Variants in CCDC149 observed in about 807,000 individuals in gnomAD.
CCDC149 encodes the protein coiled-coil domain containing 149.
A neutral mutation model predicts 59.9 loss-of-function variants in CCDC149; 45 were observed. The ratio of observed to expected loss-of-function variants is 0.75; its 90% CI spans 0.59 to 0.96. The LOEUF (loss-of-function observed/expected upper bound fraction) is 0.96. Ranked by LOEUF, CCDC149 falls within the 40% of genes least tolerant of loss-of-function variation. The pLI, the probability that CCDC149 is intolerant of heterozygous loss-of-function variation, is 0.00. For missense variants in CCDC149, 584 were observed against 664.7 expected (o/e 0.88, Z 1.33); for synonymous variants, 245 against 260.6 (o/e 0.94, Z 0.58).
At chr4:24,877,358 G>C (rs1719530272) in intron 1 of CCDC149, among the ~76,000 whole-genome samples, 2 of 152,004 alleles carry the variant, frequency 1.3e-5, no homozygotes, top group East Asian at 3.9e-4. Context: ...GCTAATTTTT[G>C]TATTTTTAGT....
intron 1 of CCDC149, among the ~76,000 whole-genome samples, chr4:24,945,978 T>C (rs1723097274): frequency 6.6e-6 from 1 of 152,148 alleles, no homozygotes; most frequent in Non-Finnish European, 1.5e-5. Context: ...GCATCACAGC[T>C]TGAGAACCAT....
Position 24,837,058 on chromosome 4 carries a change from C to T in CCDC149, c.662+170G>A, listed in dbSNP as rs1290182385. Among the ~76,000 whole-genome samples the T allele has an allele frequency of 1.3e-5, 2 of 152,132 alleles. No individual in the cohort carries two copies. The highest frequency in any genetic ancestry group is 2.9e-5 in the Non-Finnish European group (2 of 68,032). ...AGGTGTGGGCTGCTTTCCTTTTTCACTTTTGCAACTAATACATGGCATTGA... is the reference window on the plus strand; with the variant it reads ...AGGTGTGGGCTGCTTTCCTTTTTCATTTTTGCAACTAATACATGGCATTGA... On this transcript the variant is annotated intron_variant, in intron 6 of 12. Coordinates refer to ENST00000635206, the MANE Select transcript of CCDC149 (RefSeq NM_001330643.2). This position sits in a 1 kb window ranked among gnomAD's most constrained non-coding sequence, Gnocchi z 4.3.
intron 1 of CCDC149, among the ~76,000 whole-genome samples, chr4:24,928,613 C>T (rs1193966240): frequency 1.3e-5 from 2 of 152,188 alleles, no homozygotes; most frequent in East Asian, 3.8e-4. Context: ...TTCTTTGCTC[C>T]AATCACACTC....
chr4:24,870,724 TACTA>T (rs1327792064), intron 3 of CCDC149, among the ~76,000 whole-genome samples: 2 of 152,302 alleles, frequency 1.3e-5, no homozygotes, highest in South Asian at 2.1e-4. Context: ...CCTTCATGAA[TACTA>T]ACTAACTCTA....
chr4:24,967,069 C>T (rs1723823279), intron 1 of CCDC149, among the ~76,000 whole-genome samples: 1 of 152,142 alleles, frequency 6.6e-6, no homozygotes. Flanking sequence ...ACCCTGACAT[C>T]GGCTGTTTGG....
At chr4:24,921,048 G>A (rs1255940328) in intron 1 of CCDC149, among the ~76,000 whole-genome samples, 1 of 152,154 alleles carries the variant, frequency 6.6e-6, no homozygotes, top group Non-Finnish European at 1.5e-5. Context: ...TTTCAACTTT[G>A]CTAAAAATAA....
At chr4:24,968,892 C>T (rs983001148) in intron 1 of CCDC149, among the ~76,000 whole-genome samples, 2 of 152,206 alleles carry the variant, frequency 1.3e-5, no homozygotes, top group African/African-American at 4.8e-5. Context: ...GGTACAACCT[C>T]TGGGAAATAG....
intron 1 of CCDC149, among the ~76,000 whole-genome samples, chr4:24,879,589 G>A (rs1719707664): frequency 6.6e-6 from 1 of 151,580 alleles, no homozygotes; most frequent in South Asian, 2.1e-4. Flanking sequence ...GGAGGCTGAG[G>A]CAGGATAATC....
Position 24,876,599 on chromosome 4 carries a change from T to C in CCDC149, c.162A>G (p.Lys54=). 6.2e-7 allele frequency: 1 copy of C among 1,614,114 alleles called. No homozygotes were observed. Among genetic ancestry groups the C allele is most frequent in the Non-Finnish European group, 8.5e-7 (1 of 1,180,024 alleles). Residue 54 remains lysine (K), a synonymous_variant, in exon 2 of 13, where the codon AAA becomes AAG. Coordinates refer to ENST00000635206, the MANE Select transcript of CCDC149 (RefSeq NM_001330643.2). ...GCTCCCGGAGCTGATTGGCCATGAG[T>C]TTGTACTGGTCCCTTTCCTGTTGAC...
intron 4 of CCDC149, among the ~76,000 whole-genome samples, chr4:24,846,235 G>T (rs563172500): frequency 2.6e-5 from 4 of 152,316 alleles, no homozygotes; most frequent in Admixed American, 6.5e-5. Flanking sequence ...ATTGCCTATA[G>T]TTCATAATCA....
rs1397924724 is a variant in CCDC149 at position 24,864,507 on chromosome 4, C to T, written c.264+9174G>A. ...CCCTGTGATTTCATCTCAGATCCAA[C>T]AGCACTCCCCACTCCCTGGCCCCCT... On this transcript the variant is annotated intron_variant, in intron 3 of 12. Coordinates refer to ENST00000635206, the MANE Select transcript of CCDC149 (RefSeq NM_001330643.2). Among the ~76,000 whole-genome samples, 3 of 152,314 alleles carry T rather than the reference C, an allele frequency of 2.0e-5. No individual in the cohort carries two copies. In the East Asian group the frequency reaches 5.8e-4, roughly 29 times the overall value.
At chr4:24,871,042 CAA>C (rs35580363) in intron 3 of CCDC149, among the ~76,000 whole-genome samples, 26 of 77,930 alleles carry the variant, frequency 3.3e-4, no homozygotes, top group African/African-American at 2.2e-4. Context: ...GAGACTCCCT[CAA>C]AAAAAAAAAA....
intron 1 of CCDC149, among the ~76,000 whole-genome samples, chr4:24,946,795 G>T (rs1207475004): frequency 6.6e-6 from 1 of 152,136 alleles, no homozygotes; most frequent in East Asian, 1.9e-4. Context: ...CTAAAGATTT[G>T]CCTGAAAAAT....
At chr4:24,866,391 G>A (rs554497949) in intron 3 of CCDC149, among the ~76,000 whole-genome samples, 32 of 152,138 alleles carry the variant, frequency 2.1e-4, no homozygotes, top group South Asian at 1.2e-3. Context: ...GTACCTCTGT[G>A]ACCTCAAAGA....
chr4:24,889,165 A>G (rs1304602176), intron 1 of CCDC149, among the ~76,000 whole-genome samples: 2 of 152,116 alleles, frequency 1.3e-5, no homozygotes, highest in Non-Finnish European at 2.9e-5. Context: ...ATCTATTTCA[A>G]TCCTTTCACT....
intron 1 of CCDC149, among the ~76,000 whole-genome samples, chr4:24,950,542 C>T (rs1306277702): frequency 6.6e-6 from 1 of 152,118 alleles, no homozygotes; most frequent in Admixed American, 6.5e-5. Context: ...GTGGAGAATC[C>T]CAGCCTTTGG....
chr4:24,904,573 T>A (rs1485590591), intron 1 of CCDC149, among the ~76,000 whole-genome samples: 1 of 152,024 alleles, frequency 6.6e-6, no homozygotes, highest in Admixed American at 6.5e-5. Flanking sequence ...CTGGGTTGTT[T>A]AGTTAAGTGT....
At chr4:24,820,060 G>T in intron 11 of CCDC149, 85 bp from the exon 12 acceptor site, 2 of 952,164 alleles carry the variant, frequency 2.1e-6, no homozygotes, top group Non-Finnish European at 1.6e-6. Flanking sequence ...ATCGGCACAG[G>T]GCTGGCTACC....
At chr4:24,942,807 A>G (rs1253362454) in intron 1 of CCDC149, among the ~76,000 whole-genome samples, 1 of 152,154 alleles carries the variant, frequency 6.6e-6, no homozygotes, top group African/African-American at 2.4e-5. Context: ...ATTGCTTCAA[A>G]GAGAATAAAA....
Sources: allele counts gnomAD v4.1 joint callset (sites outside exome capture counted in the v4.1 genomes callset), GRCh38; gene constraint gnomAD v4.1.1; non-coding constraint Gnocchi (gnomAD v3.1); transcripts MANE v1.5; gene names NCBI Gene and HGNC (gene_info 2026-07-23, HGNC 2026-07-21).